PDGFC: variants seen among roughly 807,000 people sequenced by gnomAD.
The protein encoded by PDGFC is platelet derived growth factor C.
A neutral mutation model predicts 35.5 loss-of-function variants in PDGFC; 12 were observed. The observed-to-expected ratio is 0.34, with a 90% confidence interval of 0.22 to 0.55. The LOEUF (loss-of-function observed/expected upper bound fraction) is 0.55. PDGFC is among the 20% of genes least tolerant of loss of function. The pLI, the probability that PDGFC is intolerant of heterozygous loss-of-function variation, is 0.91. For synonymous variants in PDGFC, 159 were observed against 148.8 expected, an observed-to-expected ratio of 1.07 and a Z score of -0.50; for missense variants, 322 against 412.4, an observed-to-expected ratio of 0.78 and a Z score of 1.90.
intron 2 of PDGFC, among the ~76,000 whole-genome samples, chr4:156,827,815 A>G (rs763548969): frequency 3.7e-5 from 5 of 135,896 alleles, no homozygotes; most frequent in Non-Finnish European, 7.4e-5. Context: ...ACCAAAGACA[A>G]TAATTTTCTA....
At chr4:156,914,766 T>C (rs919914111) in intron 1 of PDGFC, among the ~76,000 whole-genome samples, 2 of 152,234 alleles carry the variant, frequency 1.3e-5, no homozygotes, top group African/African-American at 2.4e-5. Flanking sequence ...AGCCAGAGAA[T>C]TATATGCTCA....
At chr4:156,767,329 T>C (rs1730566245) in intron 5 of PDGFC, among the ~76,000 whole-genome samples, 1 of 152,134 alleles carries the variant, frequency 6.6e-6, no homozygotes, top group South Asian at 2.1e-4. Context: ...ATTATAATTA[T>C]GAATATGTCA....
intron 2 of PDGFC, among the ~76,000 whole-genome samples, chr4:156,833,075 C>T (rs967624708): frequency 6.6e-6 from 1 of 152,168 alleles, no homozygotes; most frequent in African/African-American, 2.4e-5. Context: ...TTTCTGAAGG[C>T]AAATATCAAC....
At chr4:156,906,582 T>A (rs1325284201) in intron 1 of PDGFC, among the ~76,000 whole-genome samples, 1 of 152,118 alleles carries the variant, frequency 6.6e-6, no homozygotes. Context: ...GGAAGGTAGC[T>A]TAGGGGGACA....
At chr4:156,886,977 G>A (rs2111184888) in intron 1 of PDGFC, 1 of 152,144 alleles carries the variant, frequency 6.6e-6, no homozygotes, top group Non-Finnish European at 1.5e-5. Flanking sequence ...TCTTACCTGT[G>A]GCTAGAAGTA....
chr4:156,784,593 A>C (rs1477577766), intron 3 of PDGFC, among the ~76,000 whole-genome samples: 1 of 152,212 alleles, frequency 6.6e-6, no homozygotes, highest in Non-Finnish European at 1.5e-5. Flanking sequence ...AAAATAAGAA[A>C]GAATCATAGA....
chr4:156,867,230 C>T (rs1230147952), intron 1 of PDGFC, among the ~76,000 whole-genome samples: 3 of 152,046 alleles, frequency 2.0e-5, no homozygotes, highest in East Asian at 1.9e-4. Context: ...TTTATAATTA[C>T]ATATAAATAT....
chr4:156,865,841 T>C (rs946294823), intron 1 of PDGFC, among the ~76,000 whole-genome samples: 5 of 152,196 alleles, frequency 3.3e-5, no homozygotes, highest in Admixed American at 2.6e-4. Context: ...TTGAGCGATG[T>C]AGGTGGGTCA....
At chr4:156,871,812 C>A (rs555529213) in intron 1 of PDGFC, among the ~76,000 whole-genome samples, 32 of 151,890 alleles carry the variant, frequency 2.1e-4, no homozygotes, top group African/African-American at 7.7e-4. Context: ...TTTAAGTATT[C>A]TTGTAAACAA....
At chr4:156,883,392 A>C (rs1275206297) in intron 1 of PDGFC, among the ~76,000 whole-genome samples, 1 of 152,186 alleles carries the variant, frequency 6.6e-6, no homozygotes, top group Non-Finnish European at 1.5e-5. Context: ...AAATGAACCC[A>C]GGTGATTTTT....
At chr4:156,909,874 C>G (rs1464609405) in intron 1 of PDGFC, among the ~76,000 whole-genome samples, 1 of 152,112 alleles carries the variant, frequency 6.6e-6, no homozygotes, top group Non-Finnish European at 1.5e-5. Flanking sequence ...ACATTGTACC[C>G]TAAATCCAGT....
chr4:156,798,629 G>T (rs888773012), intron 3 of PDGFC, among the ~76,000 whole-genome samples: 4 of 152,146 alleles, frequency 2.6e-5, no homozygotes, highest in Admixed American at 2.6e-4. Context: ...AAATATTGGT[G>T]TCAGAAAGCT....
At chr4:156,891,040 G>A (rs899363824) in intron 1 of PDGFC, among the ~76,000 whole-genome samples, 2 of 151,962 alleles carry the variant, frequency 1.3e-5, no homozygotes, top group Admixed American at 1.3e-4. Context: ...TTATGTAAAA[G>A]CCTTCTACAC....
intron 1 of PDGFC, among the ~76,000 whole-genome samples, chr4:156,891,212 G>A (rs1209894893): frequency 4.1e-5 from 6 of 144,874 alleles, no homozygotes; most frequent in Non-Finnish European, 7.5e-5. Flanking sequence ...CCCGGGAGGC[G>A]GAGCTTGCAG....
At chr4:156,928,540 G>A (rs1012607654) in intron 1 of PDGFC, among the ~76,000 whole-genome samples, 1 of 152,158 alleles carries the variant, frequency 6.6e-6, no homozygotes, top group Non-Finnish European at 1.5e-5. Flanking sequence ...AAATACCCGG[G>A]TACTTGCTGC....
chr4:156,776,964 A>G (rs1411553302), intron 3 of PDGFC, among the ~76,000 whole-genome samples: 4 of 152,186 alleles, frequency 2.6e-5, no homozygotes, highest in Non-Finnish European at 4.4e-5. Flanking sequence ...GGTCCAATAC[A>G]GCTTCAGCAA....
intron 2 of PDGFC, among the ~76,000 whole-genome samples, chr4:156,830,667 G>A (rs1330240755): frequency 6.6e-6 from 1 of 152,184 alleles, no homozygotes; most frequent in Non-Finnish European, 1.5e-5. Context: ...TGACTAATGG[G>A]TTCCAAGCAC....
chr4:156,900,422 A>G (rs1475412819), intron 1 of PDGFC, among the ~76,000 whole-genome samples: 1 of 152,218 alleles, frequency 6.6e-6, no homozygotes, highest in African/African-American at 2.4e-5. Flanking sequence ...AGGAATGGGC[A>G]GCAAAACTAG....
At chr4:156,953,435 T>G (rs1051234176) in intron 1 of PDGFC, among the ~76,000 whole-genome samples, 2 of 151,954 alleles carry the variant, frequency 1.3e-5, no homozygotes, top group African/African-American at 4.8e-5. Flanking sequence ...GTATTCACAT[T>G]CAGCAAATGT....
Sources: allele counts gnomAD v4.1 joint callset (sites outside exome capture counted in the v4.1 genomes callset), GRCh38; gene constraint gnomAD v4.1.1; transcripts MANE v1.5; gene names NCBI Gene and HGNC (gene_info 2026-07-23, HGNC 2026-07-21).